FNDC3B: variants seen among roughly 807,000 people sequenced by gnomAD.
FNDC3B encodes fibronectin type III domain containing 3B.
A neutral mutation model predicts 151.5 loss-of-function variants in FNDC3B; 12 were observed. The ratio of observed to expected loss-of-function variants is 0.08; its 90% confidence interval spans 0.05 to 0.13. FNDC3B has a LOEUF of 0.13. Ranked by LOEUF, FNDC3B falls within the 10% of genes least tolerant of loss-of-function variation. The probability of loss-of-function intolerance (pLI) is 1.00; values close to 1 mark genes in which losing one functional copy is unlikely to be tolerated. For missense variants in FNDC3B, 1,214 were observed against 1,505.3 expected (o/e 0.81, Z 3.20); for synonymous variants, 528 against 549.0 (o/e 0.96, Z 0.54).
chr3:172,353,035 A>G lies in FNDC3B; in HGVS notation c.2747A>G (p.Asn916Ser), dbSNP rs749217609. 5.0e-6 allele frequency: 8 copies of G among 1,614,012 alleles called. No individual in the cohort carries two copies. In the Admixed American group the frequency reaches 1.0e-4, roughly 20 times the overall value. Residue 916 changes from asparagine (N) to serine (S), a missense_variant, in exon 22 of 26, where the codon AAC (asparagine) becomes AGC (serine). Physicochemically the swap from Asn to Ser is conservative, Grantham distance 46. This residue lies in a region of FNDC3B where 284 missense variants were observed against 392.4 expected (regional missense o/e 0.72). Coordinates refer to ENST00000415807, the MANE Select transcript of FNDC3B (RefSeq NM_022763.4). ...GGAGACACTAGCATTACCGTGGGCA[A>G]CACCACCATGCATGTTATGAAAGAT... is the stretch of plus-strand genomic sequence containing the variant. ...DLGDTSITVG[N>S]TTMHVMKDLL...
At chr3:172,347,180 A>G (rs1733652312) in intron 20 of FNDC3B, 32 bp from the exon 21 acceptor site, 1 of 1,589,190 alleles carries the variant, frequency 6.3e-7, no homozygotes, top group African/African-American at 1.3e-5. Flanking sequence ...TCTCAGTGGC[A>G]TTATTAACTA....
intron 3 of FNDC3B, among the ~76,000 whole-genome samples, chr3:172,219,665 G>A (rs1726170100): frequency 6.6e-6 from 1 of 152,164 alleles, no homozygotes; most frequent in Non-Finnish European, 1.5e-5. Context: ...ACCAATCTGA[G>A]TTCTGTTTCT....
At chr3:172,366,843 A>G (rs1230849591) in intron 23 of FNDC3B, among the ~76,000 whole-genome samples, 1 of 152,216 alleles carries the variant, frequency 6.6e-6, no homozygotes, top group East Asian at 1.9e-4. Context: ...GAGACTAGTG[A>G]TGAAGACTTG....
intron 3 of FNDC3B, among the ~76,000 whole-genome samples, chr3:172,178,143 C>T (rs1576767283): frequency 6.6e-6 from 1 of 152,110 alleles, no homozygotes; most frequent in Admixed American, 6.5e-5. Flanking sequence ...GAACACTGGC[C>T]TGTCTGGGTC....
intron 3 of FNDC3B, among the ~76,000 whole-genome samples, chr3:172,191,386 A>T (rs1023579816): frequency 6.6e-6 from 1 of 152,196 alleles, no homozygotes; most frequent in Non-Finnish European, 1.5e-5. Context: ...ATTGTCACTG[A>T]TACCATCATT....
chr3:172,129,655 C>T (rs1559979594), intron 2 of FNDC3B, among the ~76,000 whole-genome samples: 1 of 152,136 alleles, frequency 6.6e-6, no homozygotes, highest in Non-Finnish European at 1.5e-5. Context: ...AAACTGCCTT[C>T]TGTTTATTTC....
chr3:172,129,580 A>G (rs114314453), intron 2 of FNDC3B, among the ~76,000 whole-genome samples: 1 of 152,066 alleles, frequency 6.6e-6, no homozygotes, highest in Admixed American at 6.5e-5. Context: ...ATTAATTGCA[A>G]CTCTTGTTTT....
At chr3:172,134,138 G>A (rs1721245130) in intron 3 of FNDC3B, among the ~76,000 whole-genome samples, 1 of 152,190 alleles carries the variant, frequency 6.6e-6, no homozygotes, top group East Asian at 1.9e-4. Context: ...TCCCATTATA[G>A]GATTAGCTCA....
intron 3 of FNDC3B, among the ~76,000 whole-genome samples, chr3:172,201,025 A>AT (rs748674543): frequency 2.6e-5 from 4 of 152,234 alleles, no homozygotes; most frequent in Non-Finnish European, 5.9e-5. Context: ...TAGAGTTTGA[A>AT]TAACACTTGT....
chr3:172,323,296 G>A (rs1560077733), intron 11 of FNDC3B, among the ~76,000 whole-genome samples: 3 of 152,106 alleles, frequency 2.0e-5, no homozygotes, highest in Admixed American at 6.6e-5. Context: ...TAGTTCAGGT[G>A]GAAGGATAGC....
rs922187280 is a variant in FNDC3B, at chr3:172,322,789, C to T, written c.1255-6163C>T. 2.0e-5 allele frequency among the ~76,000 whole-genome samples: 3 copies of T among 152,258 alleles called. No individual in the cohort carries two copies. In the East Asian group the frequency reaches 5.8e-4, roughly 29 times the overall value. ...TACAGTGACAGGATGGACCTCATAC[C>T]TCATAGCCAGTGCTACTCAGCCAGC... On this transcript the variant is annotated intron_variant, in intron 11 of 25. Transcript: ENST00000415807.
chr3:172,102,159 A>G (rs1485203179), intron 1 of FNDC3B, among the ~76,000 whole-genome samples: 1 of 152,206 alleles, frequency 6.6e-6, no homozygotes, highest in Non-Finnish European at 1.5e-5. Context: ...CGCTAAGAGC[A>G]TGGACTTTTC....
chr3:172,179,300 G>T (rs1169799959), intron 3 of FNDC3B, among the ~76,000 whole-genome samples: 1 of 152,154 alleles, frequency 6.6e-6, no homozygotes, highest in East Asian at 1.9e-4. Flanking sequence ...GACCTCAGGT[G>T]ATCTGCCCGC....
intron 3 of FNDC3B, among the ~76,000 whole-genome samples, chr3:172,226,173 C>T (rs1211331656): frequency 2.6e-5 from 4 of 151,672 alleles, no homozygotes; most frequent in South Asian, 2.1e-4. Flanking sequence ...GGCGTGGTGG[C>T]GGGCACCTGT....
chr3:172,333,304 C>T, intron 14 of FNDC3B, 129 bp downstream of exon 14: 1 of 665,296 alleles, frequency 1.5e-6, no homozygotes, highest in Non-Finnish European at 2.7e-6. Context: ...TTGAAAGTAA[C>T]ATTTATAAAG....
intron 2 of FNDC3B, among the ~76,000 whole-genome samples, chr3:172,116,827 G>C (rs1333578512): frequency 6.6e-6 from 1 of 152,090 alleles, no homozygotes; most frequent in African/African-American, 2.4e-5. Context: ...TGGCCTCCCA[G>C]AGTGCTGGGA....
intron 1 of FNDC3B, among the ~76,000 whole-genome samples, chr3:172,068,699 A>G (rs1717625939): frequency 6.6e-6 from 1 of 152,186 alleles, no homozygotes; most frequent in Non-Finnish European, 1.5e-5. Context: ...TGCTGGGATT[A>G]CAGGCATGAG....
In FNDC3B at chr3:172,139,827, G is replaced by A. The variant is rs1300662847; in HGVS notation, c.187+6281G>A. 6.0e-5 allele frequency among the ~76,000 whole-genome samples: 9 copies of A among 151,078 alleles called. No homozygotes were observed. In the South Asian group the frequency reaches 1.3e-3, roughly 21 times the overall value. ...CCTGGCTCTGAGACAGACTTGCTCT[G>A]TCACCCAGGCTGAAGTGTAGTGGCA... On this transcript the variant is annotated intron_variant, in intron 3 of 25. Coordinates refer to ENST00000415807, the MANE Select transcript of FNDC3B (RefSeq NM_022763.4).
chr3:172,263,951 A>T, intron 6 of FNDC3B, among the ~76,000 whole-genome samples: 1 of 152,022 alleles, frequency 6.6e-6, no homozygotes, highest in East Asian at 1.9e-4. Context: ...CAGTGCTTCC[A>T]TGCCTGTTTT....
Sources: gnomAD v4.1 joint callset for allele counts (sites outside exome capture counted in the v4.1 genomes callset) on GRCh38, gnomAD v4.1.1 for gene constraint, gnomAD v4.1.1 regional missense constraint, MANE v1.5 for transcripts, NCBI Gene and HGNC (gene_info 2026-07-23, HGNC 2026-07-21) for gene names.